Variants in CADPS observed in about 807,000 individuals in gnomAD.
The protein encoded by CADPS is calcium dependent secretion activator, also known as calcium-dependent secretion activator 1.
Under a neutral mutation model 167.3 loss-of-function variants are expected in CADPS, and 57 were observed. The ratio of observed to expected loss-of-function variants is 0.34; its 90% CI spans 0.28 to 0.42. The LOEUF (loss-of-function observed/expected upper bound fraction) is 0.42, where lower values mean the gene tolerates loss of function less well. Among genes scored for constraint, CADPS ranks in the 20% least tolerant of loss-of-function variants. The probability of loss-of-function intolerance (pLI) is 1.00; values close to 1 mark genes in which losing one functional copy is unlikely to be tolerated. For missense variants in CADPS, 1,414 were observed against 1,738.1 expected, an observed-to-expected ratio of 0.81 and a Z score of 3.32; for synonymous variants, 676 against 635.3, an observed-to-expected ratio of 1.06 and a Z score of -0.96.
intron 1 of CADPS, among the ~76,000 whole-genome samples, chr3:62,831,281 A>G (rs1463508055): frequency 6.6e-6 from 1 of 152,192 alleles, no homozygotes; most frequent in African/African-American, 2.4e-5. Context: ...TGAGGAAACT[A>G]ATAGAGAGAG....
intron 1 of CADPS, among the ~76,000 whole-genome samples, chr3:62,824,635 G>C (rs1284254297): frequency 6.6e-6 from 1 of 152,050 alleles, no homozygotes; most frequent in Non-Finnish European, 1.5e-5. Context: ...AAAATATTTT[G>C]AGTAATTTTC....
At chr3:62,506,932 C>G (rs1006143996) in intron 17 of CADPS, among the ~76,000 whole-genome samples, 34 of 152,186 alleles carry the variant, frequency 2.2e-4, no homozygotes, top group African/African-American at 8.2e-4. Context: ...GCTCCAGTCA[C>G]ATTAAAGAAG....
At chr3:62,550,173 A>T in intron 10 of CADPS, 58 bp from the exon 11 acceptor site, 1 of 1,422,598 alleles carries the variant, frequency 7.0e-7, no homozygotes, top group Non-Finnish European at 9.9e-7. Context: ...TCTCAACTGG[A>T]CTCAGCCTTT....
At chr3:62,450,976 TTTAG>T (rs2057957717) in intron 26 of CADPS, among the ~76,000 whole-genome samples, 1 of 152,210 alleles carries the variant, frequency 6.6e-6, no homozygotes, top group African/African-American at 2.4e-5. Context: ...CATCCTATTA[TTTAG>T]TTTCTTTTTT....
chr3:62,771,231 G>T (rs1399182359), intron 1 of CADPS, among the ~76,000 whole-genome samples: 2 of 152,134 alleles, frequency 1.3e-5, no homozygotes, highest in Non-Finnish European at 2.9e-5. Flanking sequence ...GTGAATACAT[G>T]AGCCTATTAA....
intron 1 of CADPS, among the ~76,000 whole-genome samples, chr3:62,781,455 A>C (rs2091593007): frequency 6.6e-6 from 1 of 152,184 alleles, no homozygotes; most frequent in Admixed American, 6.5e-5. Context: ...CCCAGAGAAG[A>C]GTAGATACGC....
chr3:62,533,030 A>G lies in CADPS; in HGVS notation c.2132T>C (p.Val711Ala), dbSNP rs1347095955. Residue 711 changes from valine to alanine, a missense_variant, in exon 13 of 30, where the codon GTA (valine) becomes GCA (alanine). Val to Ala is a moderately conservative substitution (Grantham distance 64, BLOSUM62 0). This residue lies in a region of CADPS where 529 missense variants were observed against 629.6 expected (regional missense o/e 0.84). Transcript: ENST00000383710. ...ATTTCGGGCGCAATACTCGTCTAGT[A>G]CAAACACCTGGCCAGGACTGAACCA... ...LGWFSPGQVFVLDEYCARNGV... is the reference protein window; with the variant it reads ...LGWFSPGQVFALDEYCARNGV... 1 of 1,613,804 alleles carries G rather than the reference A, an allele frequency of 6.2e-7. No homozygotes were observed. The highest frequency in any genetic ancestry group is 1.7e-5 in the Admixed American group (1 of 60,010).
At chr3:62,638,217 C>G (rs565186518) in intron 6 of CADPS, among the ~76,000 whole-genome samples, 1 of 152,118 alleles carries the variant, frequency 6.6e-6, no homozygotes, top group Non-Finnish European at 1.5e-5. Context: ...ATTTTGTACT[C>G]TTGTCCATGA....
At chr3:62,432,576 C>T (rs545907739) in intron 28 of CADPS, among the ~76,000 whole-genome samples, 34 of 152,122 alleles carry the variant, frequency 2.2e-4, no homozygotes, top group Non-Finnish European at 4.4e-4. Context: ...AAAAAGAAGG[C>T]TGGGAAAAGC....
At chr3:62,851,573 T>C (rs2078597319) in intron 1 of CADPS, among the ~76,000 whole-genome samples, 1 of 143,776 alleles carries the variant, frequency 7.0e-6, no homozygotes, top group African/African-American at 2.6e-5. Flanking sequence ...GGTTGAAAAT[T>C]CTTTTCTTTA....
rs558948237 is a variant in CADPS at position 62,728,883 on chromosome 3, A to G, written c.888+24558T>C. On this transcript the variant is annotated intron_variant, in intron 3 of 29. Transcript: ENST00000383710. ...CAGCTTCTTGTGTCCACTAGGGTGG[A>G]TAACTGCTTGCAATTTGGAATGAAA... 2.0e-3 allele frequency among the ~76,000 whole-genome samples: 299 copies of G among 152,022 alleles called. 5 individuals carry two copies. Among genetic ancestry groups the G allele is most frequent in the African/African-American group, 7.1e-3 (293 of 41,276 alleles).
intron 23 of CADPS, among the ~76,000 whole-genome samples, chr3:62,475,359 C>A (rs17066432): frequency 0.079 from 11,959 of 151,988 alleles, 1,085 homozygotes; most frequent in African/African-American, 0.22. Flanking sequence ...ATTAAGGCCC[C>A]ATTTGCCTGA....
intron 2 of CADPS, among the ~76,000 whole-genome samples, chr3:62,763,381 G>A (rs564693478): frequency 1.9e-4 from 29 of 152,336 alleles, no homozygotes; most frequent in Admixed American, 1.7e-3. Flanking sequence ...GAGTACAGTC[G>A]AGAGGTGGGG....
intron 3 of CADPS, among the ~76,000 whole-genome samples, chr3:62,708,870 C>T (rs2082827230): frequency 1.3e-5 from 2 of 151,806 alleles, no homozygotes; most frequent in Non-Finnish European, 2.9e-5. Flanking sequence ...TCAGGGAAGC[C>T]TTGGGACTGG....
intron 3 of CADPS, among the ~76,000 whole-genome samples, chr3:62,728,089 C>G (rs1360109612): frequency 2.0e-5 from 3 of 151,758 alleles, no homozygotes; most frequent in Non-Finnish European, 4.4e-5. Flanking sequence ...TGAGGCTTAT[C>G]AACACGAAGT....
intron 1 of CADPS, among the ~76,000 whole-genome samples, chr3:62,811,937 T>C (rs1239084114): frequency 6.6e-6 from 1 of 152,308 alleles, no homozygotes; most frequent in Admixed American, 6.5e-5. Context: ...TACCTCAGTG[T>C]TTTTTAATGG....
chr3:62,663,802 AAT>A (rs1490554984), intron 3 of CADPS, among the ~76,000 whole-genome samples: 3 of 152,128 alleles, frequency 2.0e-5, no homozygotes, highest in African/African-American at 7.2e-5. Flanking sequence ...TGTACATTTT[AAT>A]CACCCTGTTC....
intron 3 of CADPS, among the ~76,000 whole-genome samples, chr3:62,718,840 C>T (rs2075189193): frequency 6.6e-6 from 1 of 152,206 alleles, no homozygotes. Context: ...CCGTGGGAGG[C>T]CTCCTTGAAT....
At chr3:62,471,258 CTT>C (rs2060572972) in intron 24 of CADPS, among the ~76,000 whole-genome samples, 2 of 152,088 alleles carry the variant, frequency 1.3e-5, no homozygotes, top group Admixed American at 6.5e-5. Context: ...GTCATTCTAC[CTT>C]GGCCCAGAAG....
Sources: gnomAD v4.1 joint callset for allele counts (sites outside exome capture counted in the v4.1 genomes callset) on GRCh38, gnomAD v4.1.1 for gene constraint, gnomAD v4.1.1 regional missense constraint, MANE v1.5 for transcripts, NCBI Gene and HGNC (gene_info 2026-07-23, HGNC 2026-07-21) for gene names.